TPTE: variants seen among roughly 807,000 people sequenced by gnomAD.
TPTE encodes the protein putative tyrosine-protein phosphatase TPTE.
In TPTE, 59 loss-of-function variants were observed where a neutral mutation model predicts 84.1. That is an observed-to-expected ratio of 0.70 (90% CI 0.57 to 0.87). TPTE has a LOEUF of 0.87. Ranked by LOEUF, TPTE falls within the 40% of genes least tolerant of loss-of-function variation. The pLI, the probability that TPTE is intolerant of heterozygous loss-of-function variation, is 0.00. For synonymous variants in TPTE, 130 were observed against 223.5 expected, an observed-to-expected ratio of 0.58 and a Z score of 3.73; for missense variants, 382 against 659.6, an observed-to-expected ratio of 0.58 and a Z score of 4.61.
Position 10,540,007 on chromosome 21 carries a change from T to C in TPTE, c.12-1105T>C, listed in dbSNP as rs534361273. ...TTGGGTGACTGAGTGAGACTCTGTC[T>C]CAAAAAACCAAAAACAACAACAACA... is the stretch of plus-strand genomic sequence containing the variant. On this transcript the variant is annotated intron_variant, in intron 4 of 23. Transcript: ENST00000618007. Among the ~76,000 whole-genome samples, 11 of 152,418 alleles carry C rather than the reference T, an allele frequency of 7.2e-5. No individual in the cohort carries two copies. In the East Asian group the frequency reaches 2.1e-3, roughly 29 times the overall value.
At chr21:10,568,020 A>T (rs1214982128) in intron 11 of TPTE, among the ~76,000 whole-genome samples, 1 of 152,312 alleles carries the variant, frequency 6.6e-6, no homozygotes, top group Non-Finnish European at 1.5e-5. Context: ...GGAATAAAGA[A>T]GATGCAGTAC....
intron 8 of TPTE, among the ~76,000 whole-genome samples, chr21:10,557,271 T>C (rs2074702888): frequency 1.3e-5 from 2 of 152,308 alleles, no homozygotes. Flanking sequence ...ATTTACTGAG[T>C]CATAGTTATT....
chr21:10,572,803 C>G (rs1278853647), intron 14 of TPTE, among the ~76,000 whole-genome samples: 1 of 152,292 alleles, frequency 6.6e-6, no homozygotes, highest in Non-Finnish European at 1.5e-5. Context: ...GTCAAAAACA[C>G]AAACGTGTAA....
At chr21:10,543,287 C>T (rs746480101) in intron 6 of TPTE, 42 bp from the exon 7 acceptor site, 4 of 1,302,764 alleles carry the variant, frequency 3.1e-6, no homozygotes, top group African/African-American at 6.8e-5. Flanking sequence ...CCGCCTCGGC[C>T]TCCCAAAGTG....
chr21:10,590,076 C>A (rs2075439180), intron 17 of TPTE, among the ~76,000 whole-genome samples: 1 of 152,306 alleles, frequency 6.6e-6, no homozygotes, highest in Admixed American at 6.5e-5. Context: ...GTAAAAATAT[C>A]TTCTACTGCA....
chr21:10,605,337 C>T (rs1306297129), intron 23 of TPTE, 80 bp from the exon 24 acceptor site: 20 of 1,520,598 alleles, frequency 1.3e-5, no homozygotes, highest in African/African-American at 5.7e-5. Flanking sequence ...TTGTTTCTTC[C>T]AGCTCTAACG....
chr21:10,554,061 C>T (rs1600892078), intron 8 of TPTE, among the ~76,000 whole-genome samples: 1 of 152,410 alleles, frequency 6.6e-6, no homozygotes, highest in South Asian at 2.1e-4. Flanking sequence ...GTTCTTTAAG[C>T]ATATACTTTT....
intron 6 of TPTE, 58 bp downstream of exon 6, chr21:10,542,506 A>G: frequency 1.3e-6 from 2 of 1,595,126 alleles, no homozygotes; most frequent in Non-Finnish European, 1.7e-6. Context: ...AACTATACAC[A>G]CACAGGCACA....
At chr21:10,543,809 A>T (rs2074415662) in intron 7 of TPTE, among the ~76,000 whole-genome samples, 1 of 152,308 alleles carries the variant, frequency 6.6e-6, no homozygotes, top group Non-Finnish European at 1.5e-5. Flanking sequence ...GTTCCAAGAA[A>T]GGAGAGAATC....
intron 17 of TPTE, among the ~76,000 whole-genome samples, chr21:10,583,833 T>A (rs9983819): frequency 1.7e-4 from 26 of 152,376 alleles, no homozygotes; most frequent in Non-Finnish European, 3.4e-4. Flanking sequence ...CTGAGGAACA[T>A]GAATCTGTTT....
rs757506783 is a variant in TPTE at position 10,543,213 on chromosome 21, T to C, written c.120-116T>C. 1.6e-4 allele frequency: 213 copies of C among 1,357,686 alleles called. 5 individuals carry two copies. Among genetic ancestry groups the C allele is most frequent in the Non-Finnish European group, 1.7e-4 (174 of 1,011,112 alleles). 84.1% of individuals were successfully genotyped at this position (1,357,686 alleles called of 1,614,324 possible). A position where few individuals can be genotyped will look rare whatever the true frequency, so the allele number is the denominator to read the frequency against. On this transcript the variant is annotated intron_variant, in intron 6 of 23. Coordinates refer to ENST00000618007, the MANE Select transcript of TPTE (RefSeq NM_199261.4). ...CCCAGCTAATTTTTTTTTGTATTTT[T>C]AGTAGAGACGGGGTTTCACCTTGTT...
chr21:10,526,323 A>G (rs1315856930), intron 2 of TPTE, among the ~76,000 whole-genome samples: 1 of 152,308 alleles, frequency 6.6e-6, no homozygotes, highest in Non-Finnish European at 1.5e-5. Flanking sequence ...AGACTAGCAC[A>G]ATATTAATGT....
At chr21:10,542,503 C>G (rs1177601968) in intron 6 of TPTE, 55 bp downstream of exon 6, 2 of 1,593,132 alleles carry the variant, frequency 1.3e-6, no homozygotes, top group African/African-American at 1.3e-5. Context: ...TAGAACTATA[C>G]ACACACAGGC....
chr21:10,533,613 T>C lies in TPTE; in HGVS notation c.-43-5068T>C, dbSNP rs1236199275. Among the ~76,000 whole-genome samples the C allele has an allele frequency of 2.0e-5, 3 of 152,428 alleles. No homozygotes were observed. In the East Asian group the frequency reaches 5.8e-4, roughly 29 times the overall value. On this transcript the variant is annotated intron_variant, in intron 3 of 23. Transcript: ENST00000618007. The stretch of plus-strand genomic sequence containing the variant: ...CAACATAATTATTAATAGCACCCAC[T>C]TTTTCCTTTCAAAAGTGTCCTGGTT...
In TPTE at chr21:10,590,627, A is replaced by C. The variant is rs372486728; in HGVS notation, c.1089+104A>C. The C allele has an allele frequency of 1.6e-5, 25 of 1,558,452 alleles. No homozygotes were observed. The African/African-American group carries it at 3.1e-4, about 20-fold the overall frequency. ...GATGATTATTTTAGTCATGGTGCTT[A>C]GTAAAATTGTAATTAGAGAAGCAGT... is the stretch of plus-strand genomic sequence containing the variant. On this transcript the variant is annotated intron_variant, in intron 18 of 23. Coordinates refer to ENST00000618007, the MANE Select transcript of TPTE (RefSeq NM_199261.4).
chr21:10,568,391 TGTG>T (rs1157992677), intron 11 of TPTE, among the ~76,000 whole-genome samples: 1 of 152,308 alleles, frequency 6.6e-6, no homozygotes, highest in African/African-American at 2.4e-5. Context: ...GCAGTATAGT[TGTG>T]GTAGAAACAA....
chr21:10,570,224 C>T (rs1444012887), intron 13 of TPTE, among the ~76,000 whole-genome samples: 1 of 152,310 alleles, frequency 6.6e-6, no homozygotes, highest in Non-Finnish European at 1.5e-5. Context: ...GGGGGAACTT[C>T]AGACTGAGGC....
At chr21:10,545,693 A>T (rs1168749779) in intron 7 of TPTE, among the ~76,000 whole-genome samples, 2 of 152,180 alleles carry the variant, frequency 1.3e-5, no homozygotes, top group African/African-American at 2.4e-5. Context: ...ATATATACAG[A>T]TATATCTTTT....
At chr21:10,535,569 G>A (rs2074252936) in intron 3 of TPTE, among the ~76,000 whole-genome samples, 1 of 152,284 alleles carries the variant, frequency 6.6e-6, no homozygotes. Flanking sequence ...TAGTATATTT[G>A]TCACTCTAAG....
Sources: allele counts gnomAD v4.1 joint callset (sites outside exome capture counted in the v4.1 genomes callset), GRCh38; gene constraint gnomAD v4.1.1; transcripts MANE v1.5; gene names NCBI Gene and HGNC (gene_info 2026-07-23, HGNC 2026-07-21).